Variants in MYO1C observed in about 807,000 individuals in gnomAD.
MYO1C encodes the protein myosin IC.
In MYO1C, 104 loss-of-function variants were observed where a neutral mutation model predicts 150.8. The observed-to-expected ratio is 0.69, with a 90% CI of 0.59 to 0.81. MYO1C has a LOEUF of 0.81. MYO1C is among the 30% of genes least tolerant of loss of function. The probability of loss-of-function intolerance (pLI) is 0.00; values close to 1 mark genes in which losing one functional copy is unlikely to be tolerated. For missense variants in MYO1C, 1,504 were observed against 1,435.0 expected (o/e 1.05, Z -0.78); for synonymous variants, 663 against 579.9 (o/e 1.14, Z -2.06).
Position 1,478,202 on chromosome 17 carries a change from A to G in MYO1C, c.1296-10T>C. On this transcript the variant is annotated splice_polypyrimidine_tract_variant and intron_variant, in intron 11 of 31. Coordinates refer to ENST00000648651, the MANE Select transcript of MYO1C (RefSeq NM_001080779.2). This position sits in a 1 kb window ranked among gnomAD's most constrained non-coding sequence, Gnocchi z 6.3. ...GCAGAACTGCTCAAAGCTGTAAGGA[A>G]GGAGAAGAGCCCACAGTGGCTCAGT... is the stretch of plus-strand genomic sequence containing the variant. 2 of 1,610,414 alleles carry G rather than the reference A, an allele frequency of 1.2e-6. No individual in the cohort carries two copies. The highest frequency in any genetic ancestry group is 1.7e-6 in the Non-Finnish European group (2 of 1,179,626).
chr17:1,474,190 G>A (rs1443009117), intron 17 of MYO1C, among the ~76,000 whole-genome samples: 3 of 152,098 alleles, frequency 2.0e-5, no homozygotes, highest in Non-Finnish European at 2.9e-5. Context: ...ACTTTGGGAG[G>A]CCGAGGCAGG....
At position 1,470,190 on chromosome 17, in the gene MYO1C, T is replaced by G. The variant is rs1416576204; in HGVS notation, c.2511A>C (p.Pro837=). 1.9e-6 allele frequency: 3 copies of G among 1,610,518 alleles called. No homozygotes were observed. The highest frequency in any genetic ancestry group is 2.5e-6 in the Non-Finnish European group (3 of 1,179,182). The stretch of plus-strand genomic sequence containing the variant: ...GCCCACAGACCTCACGCAGGGCAGG[T>G]GGGGGCGTGGGCCACGAGGTGTCCA... The part of the protein sequence containing the change: ...NVLDTSWPTP[P]PALREASELL... Residue 837 remains proline (P), a synonymous_variant, in exon 24 of 32, where the codon CCA becomes CCC. Coordinates refer to ENST00000648651, the MANE Select transcript of MYO1C (RefSeq NM_001080779.2).
chr17:1,483,198 G>C, intron 3 of MYO1C, 139 bp from the exon 4 acceptor site: 1 of 850,078 alleles, frequency 1.2e-6, no homozygotes, highest in South Asian at 1.7e-5. Flanking sequence ...GTCCCTCACA[G>C]GTGTGGGCCA....
rs1194219713 is a variant in MYO1C, at chr17:1,479,087, C to T, written c.1092+344G>A. On this transcript the variant is annotated intron_variant, in intron 9 of 31. Transcript: ENST00000648651. This position sits in a 1 kb window ranked among gnomAD's most constrained non-coding sequence, Gnocchi z 4.2. ...TCGGCTCACTGCAACCTCCACCTCC[C>T]GGGTTCAAGCGATTCTCCTGCCTCA... Among the ~76,000 whole-genome samples, 3 of 152,104 alleles carry T rather than the reference C, an allele frequency of 2.0e-5. No homozygotes were observed. Among genetic ancestry groups the T allele is most frequent in the Non-Finnish European group, 4.4e-5 (3 of 68,024 alleles).
In MYO1C at chr17:1,464,665, C is replaced by T. The variant is rs1385404397; in HGVS notation, c.*1061G>A. On this transcript the variant is annotated 3_prime_UTR_variant, in exon 32 of 32. Transcript: ENST00000648651. ...CCGTATGACCGTGGGCAAGTGCCTT[C>T]TCCTGTTTGGGCATCTGTCTTCTGC... The T allele has an allele frequency of 6.5e-6, 1 of 152,686 alleles. No homozygotes were observed. The highest frequency in any genetic ancestry group is 1.5e-5 in the Non-Finnish European group (1 of 68,094). 9.5% of individuals were successfully genotyped at this position (152,686 alleles called of 1,614,324 possible).
At chr17:1,481,929 T>C (rs2074531591) in intron 5 of MYO1C, among the ~76,000 whole-genome samples, 1 of 152,048 alleles carries the variant, frequency 6.6e-6, no homozygotes, top group Non-Finnish European at 1.5e-5. Context: ...CGCTGTGGCC[T>C]CCGTGCTGTC....
intron 1 of MYO1C, 98 bp from the exon 2 acceptor site, chr17:1,484,401 G>A (rs2074607356): frequency 5.0e-5 from 71 of 1,430,832 alleles, no homozygotes; most frequent in Non-Finnish European, 6.7e-5. Context: ...GTAGGGGCTT[G>A]TGGACTCCGG....
At chr17:1,485,304 G>GT in intron 1 of MYO1C, 1 of 1,113,272 alleles carries the variant, frequency 9.0e-7, no homozygotes, top group Non-Finnish European at 1.1e-6. Context: ...GTGATTGGGG[G>GT]TGGATCCCAA....
intron 1 of MYO1C, among the ~76,000 whole-genome samples, chr17:1,488,169 G>A (rs2074689179): frequency 6.6e-6 from 1 of 152,160 alleles, no homozygotes; most frequent in Admixed American, 6.5e-5. Context: ...GCCCCTCCAC[G>A]TCACGCGGTT....
intron 17 of MYO1C, among the ~76,000 whole-genome samples, chr17:1,472,863 G>A (rs1442732640): frequency 6.6e-6 from 1 of 152,126 alleles, no homozygotes; most frequent in African/African-American, 2.4e-5. Flanking sequence ...AAGTACTCCG[G>A]CAAGATCCAG....
rs199757724 is a variant in MYO1C at position 1,478,531 on chromosome 17, G to A, written c.1213-39C>T. 54 of 1,613,726 alleles carry A rather than the reference G, an allele frequency of 3.3e-5. 1 individual carries two copies. The East Asian group carries it at 3.6e-4, about 11-fold the overall frequency. ...TCAACCGAAGGCGTGGGCCCCCTGCGCGTGCCAGCCCCACCCTGCAGCACC... is the reference window on the plus strand; with the variant it reads ...TCAACCGAAGGCGTGGGCCCCCTGCACGTGCCAGCCCCACCCTGCAGCACC... On this transcript the variant is annotated intron_variant, in intron 10 of 31. Transcript: ENST00000648651. The surrounding 1 kb of genome is among the most constrained non-coding windows in gnomAD (Gnocchi z 6.3).
chr17:1,471,114 C>A lies in MYO1C; in HGVS notation c.2169G>T (p.Leu723=). Residue 723 remains leucine (L), a synonymous_variant, in exon 21 of 32, where the codon CTG becomes CTT. Coordinates refer to ENST00000648651, the MANE Select transcript of MYO1C (RefSeq NM_001080779.2). ...TKIFIRFPKT[L]FATEDALEVR... is the part of the protein sequence containing the mutation. Reference sequence around the variant, plus strand: ...CCTCCAGGGCATCCTCTGTGGCAAACAGGGTCTTGGGGAAGCGGATGAAGA... The same window carrying A: ...CCTCCAGGGCATCCTCTGTGGCAAAAAGGGTCTTGGGGAAGCGGATGAAGA... The A allele has an allele frequency of 6.2e-7, 1 of 1,614,198 alleles. No individual in the cohort carries two copies. Among genetic ancestry groups the A allele is most frequent in the Non-Finnish European group, 8.5e-7 (1 of 1,180,020 alleles).
rs765234968 is a variant in MYO1C at position 1,470,640 on chromosome 17, G to A, written c.2262C>T (p.Phe754=). The A allele has an allele frequency of 3.1e-6, 5 of 1,611,544 alleles. No individual in the cohort carries two copies. In the African/African-American group the frequency reaches 4.0e-5, roughly 13 times the overall value. Residue 754 remains phenylalanine (F), a synonymous_variant, in exon 22 of 32, where the codon TTC becomes TTT. Transcript: ENST00000648651. ...AWRGFHWRQK[F]LRVKRSAICI... is the part of the protein sequence containing the mutation. ...GCGAACCTGATCTCTTCACCCGGAG[G>A]AATTTCTGCCGCCAGTGAAAGCCCC...
intron 25 of MYO1C, chr17:1,469,152 G>A (rs1008408403): frequency 1.9e-4 from 67 of 354,512 alleles, no homozygotes; most frequent in Non-Finnish European, 4.4e-5. Context: ...AAATAGAGCA[G>A]ACCGGGGTAA....
At position 1,465,545 on chromosome 17, in the gene MYO1C, G is replaced by T. The variant is rs760701365; in HGVS notation, c.*181C>A. On this transcript the variant is annotated 3_prime_UTR_variant, in exon 32 of 32. Coordinates refer to ENST00000648651, the MANE Select transcript of MYO1C (RefSeq NM_001080779.2). Reference sequence around the variant, plus strand: ...CTGTGGCCCGGCCTGGCCCACTCCTGGGGTAGCTCCTGGCCCCTGCTGCTC... The same window carrying T: ...CTGTGGCCCGGCCTGGCCCACTCCTTGGGTAGCTCCTGGCCCCTGCTGCTC... 1.0e-4 allele frequency: 64 copies of T among 620,250 alleles called. No individual in the cohort carries two copies. The highest frequency in any genetic ancestry group is 1.4e-4 in the Non-Finnish European group (57 of 407,700). The allele number at this position is 620,250 out of a possible 1,614,324, so 38.4% of individuals were successfully genotyped here. A position where few individuals can be genotyped will look rare whatever the true frequency, so the allele number is the denominator to read the frequency against.
chr17:1,473,457 G>A (rs535043642), intron 17 of MYO1C, among the ~76,000 whole-genome samples: 4 of 152,156 alleles, frequency 2.6e-5, no homozygotes, highest in South Asian at 4.1e-4. Context: ...GTGGTGCTTC[G>A]GGAGAGGGTG....
At chr17:1,490,784 T>C (rs12952797) in intron 1 of MYO1C, 18,617 of 151,764 alleles carry the variant, frequency 0.12, 1,245 homozygotes, top group Admixed American at 0.18. Flanking sequence ...TGCTCCTGCA[T>C]TCCGATGTGC....
chr17:1,473,504 C>T (rs2074345054), intron 17 of MYO1C, among the ~76,000 whole-genome samples: 1 of 152,122 alleles, frequency 6.6e-6, no homozygotes, highest in South Asian at 2.1e-4. Flanking sequence ...CACAGTGAGC[C>T]ACACCCTGGG....
At chr17:1,485,014 G>T in intron 1 of MYO1C, 1 of 925,776 alleles carries the variant, frequency 1.1e-6, no homozygotes, top group Non-Finnish European at 1.5e-6. Context: ...ACGCGGGGGA[G>T]GCCCTCCCTC....
Sources: gnomAD v4.1 joint callset for allele counts (sites outside exome capture counted in the v4.1 genomes callset) on GRCh38, gnomAD v4.1.1 for gene constraint, Gnocchi (gnomAD v3.1) non-coding constraint, MANE v1.5 for transcripts, NCBI Gene and HGNC (gene_info 2026-07-23, HGNC 2026-07-21) for gene names.